The following ZNF804B variants were observed in gnomAD, a reference collection of about 807,000 sequenced individuals.
ZNF804B encodes zinc finger protein 804B.
A neutral mutation model predicts 101.4 loss-of-function variants in ZNF804B; 80 were observed. The ratio of observed to expected loss-of-function variants is 0.79; its 90% CI spans 0.66 to 0.95. The LOEUF (loss-of-function observed/expected upper bound fraction) is 0.95. Among genes scored for constraint, ZNF804B ranks in the 40% least tolerant of loss-of-function variants. The pLI, the probability that ZNF804B is intolerant of heterozygous loss-of-function variation, is 0.00. For synonymous variants in ZNF804B, 622 were observed against 558.8 expected, an observed-to-expected ratio of 1.11 and a Z score of -1.59; for missense variants, 1,673 against 1,561.9, an observed-to-expected ratio of 1.07 and a Z score of -1.20.
chr7:89,320,882 A>G (rs1049572637), intron 2 of ZNF804B, among the ~76,000 whole-genome samples: 2 of 152,152 alleles, frequency 1.3e-5, no homozygotes, highest in African/African-American at 4.8e-5. Flanking sequence ...TAAAAAAGAA[A>G]CTAGAAATAC....
In ZNF804B at chr7:89,011,843, A is replaced by G. The variant is rs563528305; in HGVS notation, c.109-206312A>G. On this transcript the variant is annotated intron_variant, in intron 1 of 3. Transcript: ENST00000333190. ...CACAGTGCAAGCTGTTGGTGGATCT[A>G]TTGTTTTGGGATCTGGATTATGGTG... Among the ~76,000 whole-genome samples the G allele has an allele frequency of 9.2e-5, 14 of 152,122 alleles. No homozygotes were observed. The South Asian group carries it at 1.7e-3, about 18-fold the overall frequency.
intron 1 of ZNF804B, among the ~76,000 whole-genome samples, chr7:89,076,781 G>A (rs1476021959): frequency 6.6e-6 from 1 of 152,166 alleles, no homozygotes; most frequent in Non-Finnish European, 1.5e-5. Context: ...AAGCATACAT[G>A]CAAACTGAAA....
intron 1 of ZNF804B, among the ~76,000 whole-genome samples, chr7:89,198,819 C>T (rs1186874581): frequency 1.3e-5 from 2 of 151,158 alleles, no homozygotes; most frequent in Admixed American, 6.6e-5. Context: ...CCAAAAGACA[C>T]AGTAGCAAAA....
In ZNF804B at chr7:88,776,556, TTTTG is replaced by T. The variant is rs1387745253; in HGVS notation, c.108+16476_108+16479del. ...AGTGGCTTTTCTATTTCTCGTGGTG[TTTTG>T]TTTTTTTTTTTTTTTTTTTTTCAGA... On this transcript the variant is annotated intron_variant, in intron 1 of 3. Coordinates refer to ENST00000333190, the MANE Select transcript of ZNF804B (RefSeq NM_181646.5). Among the ~76,000 whole-genome samples, 6 of 58,488 alleles carry T rather than the reference TTTTG, an allele frequency of 1.0e-4. No individual in the cohort carries two copies. The African/African-American group carries it at 1.2e-3, about 12-fold the overall frequency. 38.4% of individuals were successfully genotyped at this position (58,488 alleles called of 152,430 possible).
intron 3 of ZNF804B, among the ~76,000 whole-genome samples, chr7:89,329,435 G>A (rs764032594): frequency 2.0e-4 from 30 of 151,560 alleles, no homozygotes; most frequent in Non-Finnish European, 3.7e-4. Flanking sequence ...AAAATCACTG[G>A]CATTACCCTT....
intron 1 of ZNF804B, among the ~76,000 whole-genome samples, chr7:88,827,797 G>C (rs1224002580): frequency 6.6e-6 from 1 of 152,018 alleles, no homozygotes; most frequent in Non-Finnish European, 1.5e-5. Flanking sequence ...GGACCATTCT[G>C]AACTCCTTTC....
Position 89,333,587 on chromosome 7 carries a change from A to G in ZNF804B, c.605A>G (p.Gln202Arg), listed in dbSNP as rs1791019642. 6.2e-7 allele frequency: 1 copy of G among 1,613,626 alleles called. No individual in the cohort carries two copies. Among genetic ancestry groups the G allele is most frequent in the Non-Finnish European group, 8.5e-7 (1 of 1,179,716 alleles). Reference sequence around the variant, plus strand: ...GACAGGCGTTGTTTGTTTGGAAATCAGGTACTGCAAACATCTTCAGATCTC... The same window carrying G: ...GACAGGCGTTGTTTGTTTGGAAATCGGGTACTGCAAACATCTTCAGATCTC... The part of the protein sequence containing the change: ...QSDRRCLFGN[Q>R]VLQTSSDLSN... The change falls in exon 4 of 4, where the codon CAG becomes CGG. Residue 202 changes from glutamine to arginine, a missense_variant. Physicochemically the swap from Gln to Arg is conservative, Grantham distance 43. Coordinates refer to ENST00000333190, the MANE Select transcript of ZNF804B (RefSeq NM_181646.5).
chr7:89,124,283 A>C (rs922383495), intron 1 of ZNF804B, among the ~76,000 whole-genome samples: 1 of 152,186 alleles, frequency 6.6e-6, no homozygotes, highest in African/African-American at 2.4e-5. Context: ...TCCAGAAATA[A>C]GAAACAATAA....
At chr7:88,856,463 T>G (rs1400417305) in intron 1 of ZNF804B, among the ~76,000 whole-genome samples, 1 of 152,188 alleles carries the variant, frequency 6.6e-6, no homozygotes, top group Non-Finnish European at 1.5e-5. Flanking sequence ...TTTTGTATCC[T>G]GAGACTTTGC....
chr7:88,831,783 A>G (rs1019764691), intron 1 of ZNF804B, among the ~76,000 whole-genome samples: 4 of 151,960 alleles, frequency 2.6e-5, no homozygotes, highest in East Asian at 3.9e-4. Context: ...TTGACCATTT[A>G]TAATTGAAAT....
In ZNF804B at chr7:88,842,759, A is replaced by G. The variant is rs1328476031; in HGVS notation, c.108+82675A>G. Among the ~76,000 whole-genome samples the G allele has an allele frequency of 2.6e-5, 4 of 152,150 alleles. No individual in the cohort carries two copies. In the East Asian group the frequency reaches 7.7e-4, roughly 29 times the overall value. On this transcript the variant is annotated intron_variant, in intron 1 of 3. Transcript: ENST00000333190. ...AACTAAGAATTTAAGAAATAATTGC[A>G]CTCCTTTGCACAAATGGTATAACCT...
At chr7:89,028,959 C>T (rs1463541719) in intron 1 of ZNF804B, among the ~76,000 whole-genome samples, 1 of 152,122 alleles carries the variant, frequency 6.6e-6, no homozygotes, top group African/African-American at 2.4e-5. Flanking sequence ...GAATTGATCT[C>T]CTACTAGCCT....
rs192604772 is a variant in ZNF804B at position 89,328,873 on chromosome 7, G to A, written c.380+1399G>A. On this transcript the variant is annotated intron_variant, in intron 3 of 3. Transcript: ENST00000333190. ...AAAGTTGTCACACTTCTACATTTCT[G>A]CTTACCCATTCTATATTTTCCTCTG... is the stretch of plus-strand genomic sequence containing the variant. Among the ~76,000 whole-genome samples the A allele has an allele frequency of 1.4e-3, 217 of 151,822 alleles. 1 individual carries two copies. Among genetic ancestry groups the A allele is most frequent in the African/African-American group, 4.9e-3 (205 of 41,478 alleles).
intron 1 of ZNF804B, among the ~76,000 whole-genome samples, chr7:89,178,116 A>G (rs1788231250): frequency 6.6e-6 from 1 of 151,802 alleles, no homozygotes; most frequent in South Asian, 2.1e-4. Flanking sequence ...TTCTATTTGC[A>G]TGAAGTATCT....
intron 2 of ZNF804B, among the ~76,000 whole-genome samples, chr7:89,222,959 A>C (rs917915261): frequency 6.6e-6 from 1 of 151,956 alleles, no homozygotes; most frequent in Non-Finnish European, 1.5e-5. Context: ...TTAGCCCAAA[A>C]TATTTTGAAA....
chr7:88,854,406 T>TCTTTCTTCCTTC (rs1791501036), intron 1 of ZNF804B, among the ~76,000 whole-genome samples: 1 of 126,746 alleles, frequency 7.9e-6, no homozygotes, highest in African/African-American at 3.1e-5. Context: ...TTTCTTTCTT[T>TCTTTCTTCCTTC]CTTTCTTCCT....
At position 89,086,299 on chromosome 7, in the gene ZNF804B, A is replaced by G. The variant is rs75040069; in HGVS notation, c.109-131856A>G. Reference sequence around the variant, plus strand: ...TCATTATGCATTTCGTGATGCAGAAATGTAATGTTAAGTCATCATTTATTC... The same window carrying G: ...TCATTATGCATTTCGTGATGCAGAAGTGTAATGTTAAGTCATCATTTATTC... On this transcript the variant is annotated intron_variant, in intron 1 of 3. Coordinates refer to ENST00000333190, the MANE Select transcript of ZNF804B (RefSeq NM_181646.5). Among the ~76,000 whole-genome samples the G allele has an allele frequency of 4.6e-3, 704 of 152,108 alleles. 5 individuals are homozygous for G. Among genetic ancestry groups the G allele is most frequent in the African/African-American group, 0.016 (669 of 41,528 alleles).
chr7:89,265,284 G>C (rs1263751166), intron 2 of ZNF804B, among the ~76,000 whole-genome samples: 1 of 101,026 alleles, frequency 9.9e-6, no homozygotes, highest in Admixed American at 1.2e-4. Flanking sequence ...GTGTGTGTGT[G>C]TGTGTGTGTG....
chr7:89,179,320 A>G (rs1788257765), intron 1 of ZNF804B, among the ~76,000 whole-genome samples: 2 of 152,180 alleles, frequency 1.3e-5, no homozygotes, highest in South Asian at 2.1e-4. Flanking sequence ...TACTTCCTAC[A>G]TTCGTAGGCA....
Sources: gnomAD v4.1 joint callset for allele counts (sites outside exome capture counted in the v4.1 genomes callset) on GRCh38, gnomAD v4.1.1 for gene constraint, MANE v1.5 for transcripts, NCBI Gene and HGNC (gene_info 2026-07-23, HGNC 2026-07-21) for gene names.